HSD17B4: variants seen among roughly 807,000 people sequenced by gnomAD.
HSD17B4 encodes peroxisomal multifunctional enzyme type 2.
A neutral mutation model predicts 101.0 loss-of-function variants in HSD17B4; 70 were observed. The ratio of observed to expected loss-of-function variants is 0.69; its 90% CI spans 0.57 to 0.85. The LOEUF (loss-of-function observed/expected upper bound fraction) is 0.85, where lower values mean the gene tolerates loss of function less well. Ranked by LOEUF, HSD17B4 falls within the 40% of genes least tolerant of loss-of-function variation. HSD17B4 has a pLI of 0.00. For missense variants in HSD17B4, 984 were observed against 892.4 expected (o/e 1.10, Z -1.31); for synonymous variants, 347 against 297.1 (o/e 1.17, Z -1.73).
intron 11 of HSD17B4, among the ~76,000 whole-genome samples, chr5:119,494,312 C>T (rs905063042): frequency 3.5e-5 from 5 of 143,804 alleles, no homozygotes; most frequent in African/African-American, 1.0e-4. Flanking sequence ...CTCTTTCTTC[C>T]TTTCTTTCTT....
intron 19 of HSD17B4, 80 bp downstream of exon 19, chr5:119,526,103 A>G (rs772482103): frequency 1.2e-5 from 10 of 839,808 alleles, no homozygotes; most frequent in Non-Finnish European, 1.9e-5. Context: ...TAGTGATTTA[A>G]TTGAAAATAG....
chr5:119,509,168 T>C lies in HSD17B4; in HGVS notation c.1361T>C (p.Ile454Thr), dbSNP rs753362442. The C allele has an allele frequency of 5.6e-6, 9 of 1,599,842 alleles. No homozygotes were observed. The highest frequency in any genetic ancestry group is 4.4e-5 in the South Asian group (4 of 90,786). The part of the protein sequence containing the change: ...DVYSYSEKEL[I>T]CHNQFSLFLV... Reference sequence around the variant, plus strand: ...TATTCTTATTCTGAGAAGGAACTTATATGCCACAATCAGTTCTCTCTCTTT... The same window carrying C: ...TATTCTTATTCTGAGAAGGAACTTACATGCCACAATCAGTTCTCTCTCTTT... The change falls in exon 16 of 24, where the codon ATA becomes ACA. Residue 454 changes from isoleucine (I) to threonine (T), a missense_variant. By Grantham distance (89) the Ile-to-Thr change is moderately conservative (BLOSUM62 -1). Transcript: ENST00000510025.
rs1400754119 is a variant in HSD17B4 at position 119,531,401 on chromosome 5, T to C, written c.1990T>C (p.Trp664Arg). 5.0e-6 allele frequency: 8 copies of C among 1,612,254 alleles called. No individual in the cohort carries two copies. The African/African-American group carries it at 5.3e-5, about 11-fold the overall frequency. ...ITKGGNIGAK[W>R]TIDLKSGSGK... is the part of the protein sequence containing the mutation. ...CAAAGGCGGAAATATTGGGGCTAAG[T>C]GGAGTAAGTTATAGCCCTGATTTTA... The change falls in exon 22 of 24, where the codon TGG (tryptophan) becomes CGG (arginine). Residue 664 changes from tryptophan (W) to arginine (R), a missense_variant. Trp to Arg is a moderately radical substitution (Grantham distance 101, BLOSUM62 -3). Coordinates refer to ENST00000510025, the MANE Select transcript of HSD17B4 (RefSeq NM_000414.4).
At chr5:119,508,258 T>C (rs1165296541) in intron 15 of HSD17B4, among the ~76,000 whole-genome samples, 1 of 152,158 alleles carries the variant, frequency 6.6e-6, no homozygotes, top group African/African-American at 2.4e-5. Flanking sequence ...CCGAAACCTT[T>C]CTTTAATTTT....
chr5:119,497,467 A>T lies in HSD17B4; in HGVS notation c.972+821A>T, dbSNP rs191567328. ...TTCATAGTTCTTTATCTCTTTAAGG[A>T]TAGCTTTAAATTGACTTTAAGTAGA... On this transcript the variant is annotated intron_variant, in intron 12 of 23. Transcript: ENST00000510025. Among the ~76,000 whole-genome samples the T allele has an allele frequency of 4.6e-5, 7 of 152,236 alleles. No homozygotes were observed. The East Asian group carries it at 1.4e-3, about 29-fold the overall frequency.
chr5:119,539,697 A>G (rs1210588131), intron 23 of HSD17B4, among the ~76,000 whole-genome samples: 1 of 152,128 alleles, frequency 6.6e-6, no homozygotes, highest in Non-Finnish European at 1.5e-5. Flanking sequence ...CAAAAATACA[A>G]ATTAAAGCAT....
chr5:119,496,088 C>A (rs552078922), intron 11 of HSD17B4, among the ~76,000 whole-genome samples: 1 of 152,244 alleles, frequency 6.6e-6, no homozygotes, highest in South Asian at 2.1e-4. Context: ...ATCTTCAGAG[C>A]TATTACTTGT....
chr5:119,465,584 T>C (rs1755727189), intron 2 of HSD17B4, among the ~76,000 whole-genome samples: 2 of 152,232 alleles, frequency 1.3e-5, no homozygotes. Flanking sequence ...CTTTGTAAAT[T>C]ACCCAGCCTC....
At chr5:119,513,906 A>T (rs1467554553) in intron 16 of HSD17B4, among the ~76,000 whole-genome samples, 1 of 152,134 alleles carries the variant, frequency 6.6e-6, no homozygotes, top group African/African-American at 2.4e-5. Flanking sequence ...AATAAAAGGT[A>T]CTCAGAATTT....
chr5:119,536,333 A>G (rs1171304207), intron 22 of HSD17B4, 90 bp from the exon 23 acceptor site: 2 of 1,144,050 alleles, frequency 1.7e-6, no homozygotes, highest in South Asian at 2.5e-5. Flanking sequence ...CATGGAAACT[A>G]TAGAAATGTC....
Position 119,509,404 on chromosome 5 carries a change from T to C in HSD17B4, c.1437+160T>C, listed in dbSNP as rs1372878490. 4 of 702,722 alleles carry C rather than the reference T, an allele frequency of 5.7e-6. No homozygotes were observed. The African/African-American group carries it at 7.0e-5, about 12-fold the overall frequency. The allele number at this position is 702,722 out of a possible 1,614,324, so 43.5% of individuals were successfully genotyped here. A position where few individuals can be genotyped will look rare whatever the true frequency, so the allele number is the denominator to read the frequency against. ...GGGACACCAAGACCAGTCCCTCTTC[T>C]TCCTCCTCCTCTTCCTCCTCCTCAG... On this transcript the variant is annotated intron_variant, in intron 16 of 23. Coordinates refer to ENST00000510025, the MANE Select transcript of HSD17B4 (RefSeq NM_000414.4).
Position 119,536,523 on chromosome 5 carries a change from G to A in HSD17B4, c.2094G>A (p.Val698=). ...IILSDEDFME[V]VLGKLDPQKA... ...TTTCAGATGAAGATTTCATGGAGGT[G>A]GTCCTGGGCAAGCTTGACCCTCAGA... Residue 698 remains valine, a synonymous_variant, in exon 23 of 24, where the codon GTG becomes GTA. Transcript: ENST00000510025. The A allele has an allele frequency of 6.2e-7, 1 of 1,611,928 alleles. No individual in the cohort carries two copies. The highest frequency in any genetic ancestry group is 8.5e-7 in the Non-Finnish European group (1 of 1,178,308).
At chr5:119,535,468 G>C (rs1183724210) in intron 22 of HSD17B4, among the ~76,000 whole-genome samples, 1 of 151,686 alleles carries the variant, frequency 6.6e-6, no homozygotes, top group Admixed American at 6.6e-5. Flanking sequence ...TCCCAATTTT[G>C]AGATATTTGA....
rs771498011 is a variant in HSD17B4 at position 119,499,321 on chromosome 5, G to C, written c.977G>C (p.Gly326Ala). Reference protein sequence around the residue: ...ATSTATSGFAGAIGQKLPPFS... With the variant: ...ATSTATSGFAAAIGQKLPPFS... Reference sequence around the variant, plus strand: ...ACTTTTTAAAACTGTTCTTAGGCTGGAGCTATTGGCCAGAAACTCCCTCCA... The same window carrying C: ...ACTTTTTAAAACTGTTCTTAGGCTGCAGCTATTGGCCAGAAACTCCCTCCA... The change falls in exon 13 of 24, where the codon GGA (glycine) becomes GCA (alanine). Residue 326 changes from glycine (G) to alanine (A), a missense_variant. By Grantham distance (60) the Gly-to-Ala change is moderately conservative. Coordinates refer to ENST00000510025, the MANE Select transcript of HSD17B4 (RefSeq NM_000414.4). The C allele has an allele frequency of 1.9e-6, 3 of 1,605,000 alleles. No homozygotes were observed. Among genetic ancestry groups the C allele is most frequent in the Non-Finnish European group, 2.6e-6 (3 of 1,171,808 alleles).
chr5:119,499,391 T>A lies in HSD17B4; in HGVS notation c.1047T>A (p.Leu349=). ...AACTGGAAGCTATTATGTATGCCCTTGGAGTGGGAGCGTCAATCAAGGATC... is the reference window on the plus strand; with the variant it reads ...AACTGGAAGCTATTATGTATGCCCTAGGAGTGGGAGCGTCAATCAAGGATC... ...YTELEAIMYA[L]GVGASIKDPK... Residue 349 remains leucine, a synonymous_variant, in exon 13 of 24, where the codon CTT becomes CTA. Transcript: ENST00000510025. 1 of 1,613,950 alleles carries A rather than the reference T, an allele frequency of 6.2e-7. No homozygotes were observed. The highest frequency in any genetic ancestry group is 8.5e-7 in the Non-Finnish European group (1 of 1,179,878).
In HSD17B4 at chr5:119,492,231, A is replaced by G; in HGVS notation, c.739+107A>G. The G allele has an allele frequency of 8.4e-6, 7 of 830,864 alleles. No individual in the cohort carries two copies. In the East Asian group the frequency reaches 1.7e-4, roughly 20 times the overall value. 51.5% of individuals were successfully genotyped at this position (830,864 alleles called of 1,614,324 possible). On this transcript the variant is annotated intron_variant, in intron 10 of 23. Coordinates refer to ENST00000510025, the MANE Select transcript of HSD17B4 (RefSeq NM_000414.4). ...TTTGTCAAATGCCTAACCATTGGAT[A>G]TAGTGCTTGCATATTCAAACTTAAA...
At chr5:119,489,941 G>A (rs1749947266) in intron 9 of HSD17B4, among the ~76,000 whole-genome samples, 1 of 151,758 alleles carries the variant, frequency 6.6e-6, no homozygotes, top group African/African-American at 2.4e-5. Context: ...AGTTCTTTTA[G>A]ACCTTTTAAA....
intron 9 of HSD17B4, among the ~76,000 whole-genome samples, chr5:119,489,872 A>C (rs548133523): frequency 6.6e-6 from 1 of 152,270 alleles, no homozygotes; most frequent in African/African-American, 2.4e-5. Context: ...TATTATAAAA[A>C]TAATTATCCA....
intron 8 of HSD17B4, among the ~76,000 whole-genome samples, chr5:119,483,101 G>A (rs1017562248): frequency 6.6e-6 from 1 of 151,998 alleles, no homozygotes; most frequent in African/African-American, 2.4e-5. Flanking sequence ...AAGCATGAGG[G>A]GATTTTTCTC....
Sources: allele counts gnomAD v4.1 joint callset (sites outside exome capture counted in the v4.1 genomes callset), GRCh38; gene constraint gnomAD v4.1.1; transcripts MANE v1.5; gene names NCBI Gene and HGNC (gene_info 2026-07-23, HGNC 2026-07-21).